Variants in GMCL1 observed in about 807,000 individuals in gnomAD.
GMCL1 encodes the protein germ cell-less 1, spermatogenesis associated.
GMCL1 carries 54 observed loss-of-function variants against 75.5 expected under a neutral mutation model. The observed-to-expected ratio is 0.71, with a 90% CI of 0.57 to 0.90. The LOEUF (loss-of-function observed/expected upper bound fraction) is 0.90. GMCL1 is among the 40% of genes least tolerant of loss of function. The pLI, the probability that GMCL1 is intolerant of heterozygous loss-of-function variation, is 0.00. For synonymous variants in GMCL1, 210 were observed against 209.6 expected (o/e 1.00, Z -0.02); for missense variants, 537 against 622.7 (o/e 0.86, Z 1.47).
chr2:69,830,760 C>T (rs1228938487), intron 1 of GMCL1, among the ~76,000 whole-genome samples: 1 of 126,076 alleles, frequency 7.9e-6, no homozygotes, highest in Non-Finnish European at 1.5e-5. Flanking sequence ...GCTTGTTTAA[C>T]CCCTTTTTTT....
At chr2:69,873,769 C>A (rs776689220) in intron 13 of GMCL1, 13 of 168,460 alleles carry the variant, frequency 7.7e-5, no homozygotes, top group Non-Finnish European at 1.8e-4. Context: ...CCTCTGTCTT[C>A]TTCATGGCCA....
In GMCL1 at chr2:69,864,946, T is replaced by G; in HGVS notation, c.1189T>G (p.Cys397Gly). Reference protein sequence around the residue: ...KEELEGNSMRCGRKLAKDGEY... With the variant: ...KEELEGNSMRGGRKLAKDGEY... ...AGAACTAGAGGGAAACAGCATGAGGTGTGGTAGAAAGCTTGCCAAAGATGG... is the reference window on the plus strand; with the variant it reads ...AGAACTAGAGGGAAACAGCATGAGGGGTGGTAGAAAGCTTGCCAAAGATGG... Residue 397 changes from cysteine (C) to glycine (G), a missense_variant, in exon 11 of 14, where the codon TGT becomes GGT. Physicochemically the swap from Cys to Gly is radical, Grantham distance 159. Transcript: ENST00000282570. 6.2e-7 allele frequency: 1 copy of G among 1,613,466 alleles called. No homozygotes were observed. The highest frequency in any genetic ancestry group is 8.5e-7 in the Non-Finnish European group (1 of 1,179,576).
At chr2:69,865,040 G>A in intron 11 of GMCL1, 65 bp downstream of exon 11, 2 of 1,177,994 alleles carry the variant, frequency 1.7e-6, no homozygotes, top group Non-Finnish European at 2.5e-6. Flanking sequence ...TCCTGCACCT[G>A]TAAGTAGTAA....
chr2:69,861,409 T>G (rs919496438), intron 10 of GMCL1, 62 bp downstream of exon 10: 37 of 984,306 alleles, frequency 3.8e-5, no homozygotes, highest in Non-Finnish European at 5.2e-5. Context: ...TTTTAATGCA[T>G]TCATTATGTT....
chr2:69,837,777 T>A, intron 2 of GMCL1, 107 bp downstream of exon 2: 1 of 1,278,116 alleles, frequency 7.8e-7, no homozygotes, highest in Non-Finnish European at 1.1e-6. Flanking sequence ...CCATAGTGGT[T>A]AAATCCTCTC....
At chr2:69,862,682 C>T (rs1675689424) in intron 10 of GMCL1, among the ~76,000 whole-genome samples, 1 of 152,000 alleles carries the variant, frequency 6.6e-6, no homozygotes, top group Non-Finnish European at 1.5e-5. Context: ...TCGCTTGAAC[C>T]CGGGAGGCGG....
intron 6 of GMCL1, among the ~76,000 whole-genome samples, chr2:69,845,647 T>C (rs1164581571): frequency 6.6e-6 from 1 of 152,210 alleles, no homozygotes; most frequent in Non-Finnish European, 1.5e-5. Flanking sequence ...GACTGTCCTT[T>C]ATATGTAAAG....
At chr2:69,871,902 A>C in intron 13 of GMCL1, 70 bp downstream of exon 13, 1 of 1,000,482 alleles carries the variant, frequency 1.0e-6, no homozygotes, top group Non-Finnish European at 1.5e-6. Context: ...AAAATTCTTA[A>C]GTAGAATTAA....
At chr2:69,856,348 T>G (rs1234806280) in intron 9 of GMCL1, among the ~76,000 whole-genome samples, 1 of 152,214 alleles carries the variant, frequency 6.6e-6, no homozygotes, top group Non-Finnish European at 1.5e-5. Context: ...GTACATCTGT[T>G]TACCATCTTT....
At chr2:69,848,444 C>G (rs1019213609) in intron 7 of GMCL1, among the ~76,000 whole-genome samples, 1 of 152,228 alleles carries the variant, frequency 6.6e-6, no homozygotes, top group Non-Finnish European at 1.5e-5. Context: ...CAGTGGCTTA[C>G]GCCTGTAATC....
chr2:69,842,019 A>T (rs1340760140), intron 4 of GMCL1, among the ~76,000 whole-genome samples: 1 of 152,212 alleles, frequency 6.6e-6, no homozygotes, highest in Non-Finnish European at 1.5e-5. Context: ...GGAATATTTT[A>T]ATCAGGGGAA....
rs79855542 is a variant in GMCL1, at chr2:69,862,935, T to A, written c.1142+1588T>A. Among the ~76,000 whole-genome samples, 6 of 152,292 alleles carry A rather than the reference T, an allele frequency of 3.9e-5. No individual in the cohort carries two copies. The East Asian group carries it at 1.2e-3, about 29-fold the overall frequency. On this transcript the variant is annotated intron_variant, in intron 10 of 13. Coordinates refer to ENST00000282570, the MANE Select transcript of GMCL1 (RefSeq NM_178439.5). The stretch of plus-strand genomic sequence containing the variant: ...GAAGTAACTTATAAATCATCCTACT[T>A]CTTCTGTATATTCAATTTTTAAATT...
At chr2:69,871,384 A>C (rs1393909767) in intron 12 of GMCL1, among the ~76,000 whole-genome samples, 3 of 152,208 alleles carry the variant, frequency 2.0e-5, no homozygotes. Context: ...GTGGGGAGTT[A>C]GTGTTTAATG....
chr2:69,830,611 GA>G (rs1209182790), intron 1 of GMCL1, among the ~76,000 whole-genome samples: 2 of 152,148 alleles, frequency 1.3e-5, no homozygotes, highest in Non-Finnish European at 2.9e-5. Flanking sequence ...TTGCACACAG[GA>G]GTTCTTGTTA....
chr2:69,833,532 C>T (rs1174607469), intron 1 of GMCL1, among the ~76,000 whole-genome samples: 2 of 152,238 alleles, frequency 1.3e-5, no homozygotes, highest in African/African-American at 2.4e-5. Flanking sequence ...AGGAGAATTA[C>T]CTGAACTCAG....
At chr2:69,861,079 G>A (rs549862178) in intron 9 of GMCL1, among the ~76,000 whole-genome samples, 199 bp from the exon 10 acceptor site, 1 of 152,294 alleles carries the variant, frequency 6.6e-6, no homozygotes, top group Admixed American at 6.5e-5. Context: ...CTGACCTCAG[G>A]TGATCCACCT....
At chr2:69,833,596 A>G (rs1423350535) in intron 1 of GMCL1, among the ~76,000 whole-genome samples, 2 of 152,272 alleles carry the variant, frequency 1.3e-5, no homozygotes, top group Admixed American at 1.3e-4. Context: ...AGCCTGAGCA[A>G]CAGAGTAAGA....
intron 8 of GMCL1, among the ~76,000 whole-genome samples, chr2:69,851,665 T>TG (rs1675324917): frequency 2.0e-5 from 3 of 151,722 alleles, no homozygotes; most frequent in East Asian, 1.9e-4. Flanking sequence ...TCCCAGCTAC[T>TG]GGGGGGAGGA....
At chr2:69,830,713 A>G (rs1674646883) in intron 1 of GMCL1, among the ~76,000 whole-genome samples, 1 of 148,160 alleles carries the variant, frequency 6.7e-6, no homozygotes, top group Non-Finnish European at 1.5e-5. Context: ...GAAGTCGTTG[A>G]CCGTGGATGT....
Sources: allele counts gnomAD v4.1 joint callset (sites outside exome capture counted in the v4.1 genomes callset), GRCh38; gene constraint gnomAD v4.1.1; transcripts MANE v1.5; gene names NCBI Gene and HGNC (gene_info 2026-07-23, HGNC 2026-07-21).